SLC24A4: variants seen among roughly 807,000 people sequenced by gnomAD.
SLC24A4 encodes solute carrier family 24 member 4.
SLC24A4 carries 53 observed loss-of-function variants against 79.0 expected under a neutral mutation model. The observed-to-expected ratio is 0.67, with a 90% CI of 0.54 to 0.84. SLC24A4 has a LOEUF of 0.84. Ranked by LOEUF, SLC24A4 falls within the 40% of genes least tolerant of loss-of-function variation. SLC24A4 has a pLI of 0.00. For synonymous variants in SLC24A4, 323 were observed against 323.8 expected (o/e 1.00, Z 0.03); for missense variants, 731 against 822.0 (o/e 0.89, Z 1.35).
At chr14:92,464,769 C>T (rs560258034) in intron 12 of SLC24A4, among the ~76,000 whole-genome samples, 2 of 152,354 alleles carry the variant, frequency 1.3e-5, no homozygotes, top group Non-Finnish European at 1.5e-5. Context: ...GAGGATGTCA[C>T]GCTTCATACG....
intron 12 of SLC24A4, among the ~76,000 whole-genome samples, chr14:92,480,104 C>G (rs1265631134): frequency 1.3e-5 from 2 of 149,534 alleles, no homozygotes; most frequent in Non-Finnish European, 3.0e-5. Flanking sequence ...TTTTATTGAT[C>G]TTTTCAAAGA....
At chr14:92,444,117 T>A (rs553722481) in intron 7 of SLC24A4, among the ~76,000 whole-genome samples, 1 of 152,104 alleles carries the variant, frequency 6.6e-6, no homozygotes, top group South Asian at 2.1e-4. Context: ...ACAGGCTGCC[T>A]ACCACACCCC....
chr14:92,437,217 C>T (rs1239631625), intron 3 of SLC24A4, among the ~76,000 whole-genome samples: 1 of 152,234 alleles, frequency 6.6e-6, no homozygotes, highest in African/African-American at 2.4e-5. Flanking sequence ...CTCTGTTTTC[C>T]ACTCTCTCTA....
At position 92,383,876 on chromosome 14, in the gene SLC24A4, G is replaced by A. The variant is rs1045298828; in HGVS notation, c.242-50036G>A. Reference sequence around the variant, plus strand: ...CACCCCCAGGACCCAGCATTTCCGCGGGAAGATCTTCAGCGGGTCCCAAGC... The same window carrying A: ...CACCCCCAGGACCCAGCATTTCCGCAGGAAGATCTTCAGCGGGTCCCAAGC... On this transcript the variant is annotated intron_variant, in intron 2 of 16. Transcript: ENST00000532405. 3.9e-5 allele frequency among the ~76,000 whole-genome samples: 6 copies of A among 152,170 alleles called. No homozygotes were observed. The South Asian group carries it at 6.2e-4, about 16-fold the overall frequency.
chr14:92,349,178 T>A (rs1350478526), intron 2 of SLC24A4, among the ~76,000 whole-genome samples: 1 of 152,090 alleles, frequency 6.6e-6, no homozygotes, highest in Non-Finnish European at 1.5e-5. Context: ...TTTTTTTTTT[T>A]TGATACAGTC....
At chr14:92,365,218 C>T (rs1291707988) in intron 2 of SLC24A4, among the ~76,000 whole-genome samples, 1 of 152,260 alleles carries the variant, frequency 6.6e-6, no homozygotes, top group Non-Finnish European at 1.5e-5. Context: ...TATTGCCTGG[C>T]ACACACTGGC....
intron 2 of SLC24A4, among the ~76,000 whole-genome samples, chr14:92,350,037 T>C (rs1411234507): frequency 2.6e-5 from 4 of 152,240 alleles, no homozygotes; most frequent in Non-Finnish European, 2.9e-5. Flanking sequence ...CTTGTTACTT[T>C]GGGCAAACTT....
intron 2 of SLC24A4, among the ~76,000 whole-genome samples, chr14:92,335,121 G>A (rs1356970188): frequency 2.6e-5 from 4 of 152,058 alleles, no homozygotes; most frequent in South Asian, 2.1e-4. Context: ...TTAATTAATC[G>A]CTTTATTTTT....
intron 2 of SLC24A4, among the ~76,000 whole-genome samples, chr14:92,331,405 C>T (rs7146495): frequency 0.92 from 140,730 of 152,256 alleles, 65,896 homozygotes; most frequent in East Asian, 1. Flanking sequence ...ACCTCAGCCT[C>T]CTGAATAACT....
chr14:92,398,328 T>G lies in SLC24A4; in HGVS notation c.242-35584T>G, dbSNP rs981406126. On this transcript the variant is annotated intron_variant, in intron 2 of 16. Coordinates refer to ENST00000532405, the MANE Select transcript of SLC24A4 (RefSeq NM_153646.4). This position sits in a 1 kb window ranked among gnomAD's most constrained non-coding sequence, Gnocchi z 4.1. ...CTTCTGAGGGATGGCCTGGCAGAAC[T>G]GCAGCAGGGTTAGAAAGGGAGGAGG... Among the ~76,000 whole-genome samples the G allele has an allele frequency of 6.6e-5, 10 of 152,102 alleles. No individual in the cohort carries two copies. The highest frequency in any genetic ancestry group is 8.8e-5 in the Non-Finnish European group (6 of 68,022).
At chr14:92,375,338 C>A (rs185289459) in intron 2 of SLC24A4, among the ~76,000 whole-genome samples, 3 of 152,166 alleles carry the variant, frequency 2.0e-5, no homozygotes, top group African/African-American at 7.2e-5. Flanking sequence ...GAAATTAAGA[C>A]CCTCGGACAG....
At chr14:92,391,706 T>G (rs1293214424) in intron 2 of SLC24A4, among the ~76,000 whole-genome samples, 3 of 152,242 alleles carry the variant, frequency 2.0e-5, no homozygotes, top group African/African-American at 7.2e-5. Flanking sequence ...ATTCTGGACT[T>G]TTGCGAATAG....
At chr14:92,401,877 C>G (rs1890132158) in intron 2 of SLC24A4, among the ~76,000 whole-genome samples, 1 of 152,114 alleles carries the variant, frequency 6.6e-6, no homozygotes, top group African/African-American at 2.4e-5. Flanking sequence ...TTCTTGGTGT[C>G]CAGACCAGAC....
chr14:92,431,864 G>A (rs1215477080), intron 2 of SLC24A4, among the ~76,000 whole-genome samples: 3 of 152,198 alleles, frequency 2.0e-5, no homozygotes, highest in Non-Finnish European at 4.4e-5. Flanking sequence ...TCGACAGTGT[G>A]GCGTGATTTC....
intron 12 of SLC24A4, among the ~76,000 whole-genome samples, chr14:92,470,949 C>G (rs4904929): frequency 6.6e-6 from 1 of 152,050 alleles, no homozygotes; most frequent in Non-Finnish European, 1.5e-5. Flanking sequence ...ATCCATCTCT[C>G]AGCATTGCTT....
chr14:92,400,256 T>C (rs529106509), intron 2 of SLC24A4, among the ~76,000 whole-genome samples: 14 of 152,040 alleles, frequency 9.2e-5, no homozygotes, highest in South Asian at 4.2e-4. Context: ...CAGGCCAACA[T>C]GGTGAAACCC....
At chr14:92,379,656 T>A (rs1344896284) in intron 2 of SLC24A4, among the ~76,000 whole-genome samples, 1 of 152,132 alleles carries the variant, frequency 6.6e-6, no homozygotes, top group Non-Finnish European at 1.5e-5. Flanking sequence ...GAGAGGTGAC[T>A]TCCGGGACAC....
At chr14:92,460,140 G>A (rs566531283) in intron 12 of SLC24A4, among the ~76,000 whole-genome samples, 4 of 152,266 alleles carry the variant, frequency 2.6e-5, no homozygotes, top group African/African-American at 9.6e-5. Context: ...TGCAGATATC[G>A]TGTGTTGTGA....
At chr14:92,355,554 C>G (rs1205866779) in intron 2 of SLC24A4, among the ~76,000 whole-genome samples, 1 of 152,192 alleles carries the variant, frequency 6.6e-6, no homozygotes, top group East Asian at 1.9e-4. Context: ...TCAGTTCGTG[C>G]AGACATGGAT....
Sources: allele counts gnomAD v4.1 joint callset (sites outside exome capture counted in the v4.1 genomes callset), GRCh38; gene constraint gnomAD v4.1.1; non-coding constraint Gnocchi (gnomAD v3.1); transcripts MANE v1.5; gene names NCBI Gene and HGNC (gene_info 2026-07-23, HGNC 2026-07-21).